AGPAT3: variants seen among roughly 807,000 people sequenced by gnomAD.
The protein encoded by AGPAT3 is 1-acylglycerol-3-phosphate O-acyltransferase 3, also known as 1-acyl-sn-glycerol-3-phosphate acyltransferase gamma.
Under a neutral mutation model 47.3 loss-of-function variants are expected in AGPAT3, and 5 were observed. The observed-to-expected ratio is 0.11, with a 90% CI of 0.06 to 0.22. AGPAT3 has a LOEUF of 0.22. Ranked by LOEUF, AGPAT3 falls within the 10% of genes least tolerant of loss-of-function variation. AGPAT3 has a pLI of 1.00. For synonymous variants in AGPAT3, 212 were observed against 208.3 expected (o/e 1.02, Z -0.15); for missense variants, 315 against 493.0 (o/e 0.64, Z 3.42).
chr21:43,896,942 C>CGTTTTTTTTTTTTTTT (rs2086229817), intron 1 of AGPAT3, among the ~76,000 whole-genome samples: 1 of 93,132 alleles, frequency 1.1e-5, no homozygotes. Context: ...TTTGACAGTC[C>CGTTTTTTTTTTTTTTT]GTTTTTTTTT....
chr21:43,917,940 T>TGTTGTGGGG, intron 2 of AGPAT3, among the ~76,000 whole-genome samples: 1 of 25,500 alleles, frequency 3.9e-5, no homozygotes, highest in African/African-American at 1.9e-4. Flanking sequence ...GTGTTGTGGG[T>TGTTGTGGGG]GTTGTGGGGG....
At chr21:43,931,922 C>CGTGTGTGTGTGT (rs55978822) in intron 2 of AGPAT3, among the ~76,000 whole-genome samples, 1 of 145,648 alleles carries the variant, frequency 6.9e-6, no homozygotes, top group East Asian at 2.0e-4. Context: ...AAGAGGATCT[C>CGTGTGTGTGTGT]GTGTGTGTGT....
chr21:43,881,373 C>A (rs1188572481), intron 1 of AGPAT3, among the ~76,000 whole-genome samples: 1 of 152,174 alleles, frequency 6.6e-6, no homozygotes, highest in Non-Finnish European at 1.5e-5. Context: ...TGCTAAAATT[C>A]TTAACATGCA....
chr21:43,878,470 C>T (rs535734950), intron 1 of AGPAT3, among the ~76,000 whole-genome samples: 1 of 152,338 alleles, frequency 6.6e-6, no homozygotes, highest in Non-Finnish European at 1.5e-5. Context: ...CAGCTGTGGC[C>T]AGCCCTGTCA....
At chr21:43,887,976 A>G (rs926881410) in intron 1 of AGPAT3, among the ~76,000 whole-genome samples, 2 of 152,242 alleles carry the variant, frequency 1.3e-5, no homozygotes, top group African/African-American at 4.8e-5. Flanking sequence ...TTGTTGTACT[A>G]TTAATTCAAC....
chr21:43,910,598 G>A (rs999622084), intron 2 of AGPAT3, among the ~76,000 whole-genome samples: 1 of 152,240 alleles, frequency 6.6e-6, no homozygotes, highest in Non-Finnish European at 1.5e-5. Flanking sequence ...CTGGAAGCAA[G>A]TGTGCTGTAT....
At chr21:43,915,354 C>T (rs2086704194) in intron 2 of AGPAT3, among the ~76,000 whole-genome samples, 2 of 149,746 alleles carry the variant, frequency 1.3e-5, no homozygotes, top group South Asian at 2.1e-4. Context: ...GCCTGCCCCC[C>T]AGCCCTGTTT....
At chr21:43,974,633 TG>T (rs1042815377) in intron 7 of AGPAT3, among the ~76,000 whole-genome samples, 12 of 151,650 alleles carry the variant, frequency 7.9e-5, no homozygotes, top group Non-Finnish European at 1.6e-4. Context: ...GTGTTTGATA[TG>T]TGTGGTGTGG....
intron 1 of AGPAT3, among the ~76,000 whole-genome samples, chr21:43,883,697 G>C (rs1355741389): frequency 6.6e-6 from 1 of 152,156 alleles, no homozygotes; most frequent in African/African-American, 2.4e-5. Flanking sequence ...GGGTTCAAGC[G>C]ATTCTCCTGC....
At chr21:43,940,355 G>A (rs1204273400) in intron 2 of AGPAT3, among the ~76,000 whole-genome samples, 1 of 152,248 alleles carries the variant, frequency 6.6e-6, no homozygotes, top group Non-Finnish European at 1.5e-5. Context: ...GGGCCCGGGG[G>A]CCTGGGCAGT....
rs1046207851 is a variant in AGPAT3, at chr21:43,885,788, G to T, written c.-111-18169G>T. ...TGGAAGCCTGGAGTATACGGCCGGG[G>T]TTTGTGGCACAGGCGAGGGGAGCCA... On this transcript the variant is annotated intron_variant, in intron 1 of 9. Transcript: ENST00000291572. 2.6e-5 allele frequency among the ~76,000 whole-genome samples: 4 copies of T among 152,188 alleles called. No homozygotes were observed. The East Asian group carries it at 7.7e-4, about 29-fold the overall frequency.
chr21:43,957,509 G>A (rs1486961291), intron 2 of AGPAT3, among the ~76,000 whole-genome samples: 2 of 150,756 alleles, frequency 1.3e-5, no homozygotes, highest in African/African-American at 2.4e-5. Context: ...CTCCACACGG[G>A]GGGTCTCGGG....
intron 2 of AGPAT3, among the ~76,000 whole-genome samples, chr21:43,951,235 G>A (rs963068772): frequency 1.7e-4 from 26 of 152,196 alleles, no homozygotes; most frequent in East Asian, 9.6e-4. Flanking sequence ...GAGGAAGGGG[G>A]GAAGGAGGGA....
chr21:43,928,206 G>T (rs1316776311), intron 2 of AGPAT3, among the ~76,000 whole-genome samples: 2 of 152,242 alleles, frequency 1.3e-5, no homozygotes. Flanking sequence ...CAGGCCAAGG[G>T]CATGATGGTT....
Position 43,955,222 on chromosome 21 carries a change from G to A in AGPAT3, c.-48-4412G>A. The A allele has an allele frequency of 8.1e-7, 1 of 1,237,080 alleles. No homozygotes were observed. The highest frequency in any genetic ancestry group is 1.0e-6 in the Non-Finnish European group (1 of 956,090). The allele number at this position is 1,237,080 out of a possible 1,614,324, so 76.6% of individuals were successfully genotyped here. A position where few individuals can be genotyped will look rare whatever the true frequency, so the allele number is the denominator to read the frequency against. ...TGGGCCAGATGCCATGGGATTCTGT[G>A]TTTGTGAACCTCTAGAAAAGGTAAA... is the stretch of plus-strand genomic sequence containing the variant. On this transcript the variant is annotated intron_variant, in intron 2 of 9. Transcript: ENST00000291572. The surrounding 1 kb of genome is among the most constrained non-coding windows in gnomAD (Gnocchi z 4.1).
intron 1 of AGPAT3, among the ~76,000 whole-genome samples, chr21:43,879,995 C>T (rs1228035783): frequency 6.6e-6 from 1 of 152,158 alleles, no homozygotes; most frequent in African/African-American, 2.4e-5. Flanking sequence ...GGGTTCTGCC[C>T]GTCTCTGTTA....
At chr21:43,949,124 G>A (rs2088054755) in intron 2 of AGPAT3, among the ~76,000 whole-genome samples, 1 of 152,114 alleles carries the variant, frequency 6.6e-6, no homozygotes, top group Admixed American at 6.5e-5. Flanking sequence ...TATAGAATCA[G>A]TATGTCTAGT....
At chr21:43,921,638 T>C (rs1327647539) in intron 2 of AGPAT3, among the ~76,000 whole-genome samples, 1 of 152,220 alleles carries the variant, frequency 6.6e-6, no homozygotes, top group Non-Finnish European at 1.5e-5. Context: ...CGGGTGAGAC[T>C]CTGGGCTGCA....
rs762910289 is a variant in AGPAT3, at chr21:43,970,838, C to T, written c.664+32C>T. On this transcript the variant is annotated intron_variant, in intron 6 of 9. Transcript: ENST00000291572. The surrounding 1 kb of genome is among the most constrained non-coding windows in gnomAD (Gnocchi z 5.8). ...CCCAGACTGCCCGAGCCGGGGCCACCGCTATGCTCACGGAAAATAGTGATT... is the reference window on the plus strand; with the variant it reads ...CCCAGACTGCCCGAGCCGGGGCCACTGCTATGCTCACGGAAAATAGTGATT... 34 of 1,480,268 alleles carry T rather than the reference C, an allele frequency of 2.3e-5. No individual in the cohort carries two copies. Among genetic ancestry groups the T allele is most frequent in the Admixed American group, 7.3e-5 (3 of 41,150 alleles). The allele number at this position is 1,480,268 out of a possible 1,614,324, so 91.7% of individuals were successfully genotyped here.
Sources: gnomAD v4.1 joint callset for allele counts (sites outside exome capture counted in the v4.1 genomes callset) on GRCh38, gnomAD v4.1.1 for gene constraint, Gnocchi (gnomAD v3.1) non-coding constraint, MANE v1.5 for transcripts, NCBI Gene and HGNC (gene_info 2026-07-23, HGNC 2026-07-21) for gene names.